WDR49: variants seen among roughly 807,000 people sequenced by gnomAD.
The protein encoded by WDR49 is cilia- and flagella-associated protein 337.
WDR49 carries 107 observed loss-of-function variants against 119.5 expected under a neutral mutation model. The observed-to-expected ratio is 0.90, with a 90% CI of 0.77 to 1.05. The LOEUF (loss-of-function observed/expected upper bound fraction) is 1.05, where lower values mean the gene tolerates loss of function less well. Ranked by LOEUF, WDR49 falls within the 50% of genes least tolerant of loss-of-function variation. The probability of loss-of-function intolerance (pLI) is 0.00; values close to 1 mark genes in which losing one functional copy is unlikely to be tolerated. For missense variants in WDR49, 1,240 were observed against 1,220.5 expected, an observed-to-expected ratio of 1.02 and a Z score of -0.24; for synonymous variants, 425 against 418.8, an observed-to-expected ratio of 1.01 and a Z score of -0.18.
intron 16 of WDR49, among the ~76,000 whole-genome samples, chr3:167,517,215 C>T (rs1366867152): frequency 6.6e-6 from 1 of 152,022 alleles, no homozygotes; most frequent in Non-Finnish European, 1.5e-5. Context: ...ATAGCCAAAA[C>T]AATGCTAACC....
chr3:167,506,267 G>A (rs1751764080), intron 16 of WDR49, among the ~76,000 whole-genome samples: 1 of 152,006 alleles, frequency 6.6e-6, no homozygotes, highest in African/African-American at 2.4e-5. Flanking sequence ...ACTCTGAGTT[G>A]TTTCCCATAC....
intron 7 of WDR49, among the ~76,000 whole-genome samples, chr3:167,585,716 TTAAA>T (rs951488546): frequency 3.9e-5 from 6 of 151,904 alleles, no homozygotes; most frequent in African/African-American, 1.2e-4. Context: ...TATAATAACA[TTAAA>T]TAAAGTTGTA....
intron 8 of WDR49, among the ~76,000 whole-genome samples, chr3:167,573,767 C>G (rs991754224): frequency 6.6e-6 from 1 of 152,188 alleles, no homozygotes; most frequent in African/African-American, 2.4e-5. Context: ...CAAGACCAGA[C>G]AGTGATACAT....
intron 3 of WDR49, among the ~76,000 whole-genome samples, chr3:167,624,345 T>TAA (rs200365249): frequency 0.26 from 37,786 of 143,302 alleles, 4,976 homozygotes; most frequent in African/African-American, 0.33. Flanking sequence ...TATGCCATGG[T>TAA]AAAAAAAAAA....
intron 15 of WDR49, 41 bp downstream of exon 15, chr3:167,527,779 G>A (rs1355668853): frequency 1.3e-6 from 2 of 1,569,238 alleles, no homozygotes; most frequent in African/African-American, 2.7e-5. Context: ...AATACTAAAT[G>A]TCAAGTAAAT....
chr3:167,530,947 C>T (rs1277842783), intron 13 of WDR49, among the ~76,000 whole-genome samples, 168 bp downstream of exon 13: 4 of 151,986 alleles, frequency 2.6e-5, no homozygotes, highest in African/African-American at 9.7e-5. Context: ...CTCTTGAATC[C>T]ATCCTCCTCA....
intron 2 of WDR49, chr3:167,633,278 A>T (rs1717456536): frequency 2.7e-6 from 1 of 364,446 alleles, no homozygotes; most frequent in African/African-American, 2.1e-5. Flanking sequence ...TTCTATGACT[A>T]TTACCATCAT....
At chr3:167,557,911 G>A (rs574931960) in intron 9 of WDR49, among the ~76,000 whole-genome samples, 1 of 152,204 alleles carries the variant, frequency 6.6e-6, no homozygotes, top group African/African-American at 2.4e-5. Context: ...CAATATCCAA[G>A]ACAGAAAAAT....
chr3:167,645,895 T>C (rs1718099821), intron 2 of WDR49, among the ~76,000 whole-genome samples: 1 of 152,246 alleles, frequency 6.6e-6, no homozygotes, highest in South Asian at 2.1e-4. Flanking sequence ...AAGGAACATA[T>C]AGGAAGCTAT....
chr3:167,595,030 C>A (rs1273885053), intron 7 of WDR49, among the ~76,000 whole-genome samples: 9 of 149,516 alleles, frequency 6.0e-5, no homozygotes, highest in South Asian at 2.2e-4. Context: ...TCTCAGGATA[C>A]AAAATCAATG....
intron 17 of WDR49, among the ~76,000 whole-genome samples, chr3:167,504,841 A>G (rs6785159): frequency 0.055 from 8,374 of 151,926 alleles, 813 homozygotes; most frequent in African/African-American, 0.19. Context: ...TGCTCTCCTC[A>G]TGGTAGCAAG....
intron 17 of WDR49, among the ~76,000 whole-genome samples, chr3:167,502,279 G>A (rs756846250): frequency 2.0e-5 from 3 of 152,170 alleles, no homozygotes; most frequent in Non-Finnish European, 4.4e-5. Context: ...CTGCAGAACC[G>A]TGATCCAATT....
In WDR49 at chr3:167,627,049, C is replaced by A; in HGVS notation, c.409G>T (p.Val137Leu). ...PQWKDLEFLPVKHKDTIQKVI... is the reference protein window; with the variant it reads ...PQWKDLEFLPLKHKDTIQKVI... ...TTTTGAATGGTGTCCTTGTGTTTTACTGGGAGGAATTCAAGGTCCTTCCAC... is the reference window on the plus strand; with the variant it reads ...TTTTGAATGGTGTCCTTGTGTTTTAATGGGAGGAATTCAAGGTCCTTCCAC... The change falls in exon 3 of 19, where the codon GTA becomes TTA. Residue 137 changes from valine (V) to leucine (L), a missense_variant. Val to Leu is a conservative substitution (Grantham distance 32, BLOSUM62 1). Coordinates refer to ENST00000682715, the MANE Select transcript of WDR49 (RefSeq NM_001366157.1). 7.6e-7 allele frequency: 1 copy of A among 1,314,966 alleles called. No individual in the cohort carries two copies. Among genetic ancestry groups the A allele is most frequent in the Non-Finnish European group, 9.7e-7 (1 of 1,033,036 alleles). 81.5% of individuals were successfully genotyped at this position (1,314,966 alleles called of 1,614,324 possible). A position where few individuals can be genotyped will look rare whatever the true frequency, so the allele number is the denominator to read the frequency against.
intron 8 of WDR49, among the ~76,000 whole-genome samples, chr3:167,575,501 T>C (rs1476023682): frequency 6.6e-6 from 1 of 152,226 alleles, no homozygotes; most frequent in African/African-American, 2.4e-5. Context: ...GTGTAAAATA[T>C]GCTGGCAAAA....
chr3:167,540,318 G>T (rs756941176), intron 10 of WDR49, among the ~76,000 whole-genome samples: 3 of 152,156 alleles, frequency 2.0e-5, no homozygotes, highest in Non-Finnish European at 2.9e-5. Context: ...CAGAGCAGGT[G>T]CTGGTACCTA....
intron 14 of WDR49, 64 bp from the exon 15 acceptor site, chr3:167,528,081 C>T: frequency 1.4e-6 from 2 of 1,418,282 alleles, no homozygotes; most frequent in Non-Finnish European, 1.9e-6. Context: ...AATGACATAA[C>T]ACTTTTAAAA....
chr3:167,494,799 G>A lies in WDR49; in HGVS notation c.3031+5354C>T, dbSNP rs73045882. 4.5e-3 allele frequency among the ~76,000 whole-genome samples: 680 copies of A among 152,282 alleles called. 2 individuals carry two copies. The highest frequency in any genetic ancestry group is 0.016 in the African/African-American group (651 of 41,558). ...CCATAGGACATTCTCTGAGCCCTGG[G>A]GTGGTGTGGGAGACTGTGGATTGGA... On this transcript the variant is annotated intron_variant, in intron 18 of 18. Transcript: ENST00000682715.
At chr3:167,533,687 G>A (rs140431958) in intron 11 of WDR49, among the ~76,000 whole-genome samples, 1 of 152,162 alleles carries the variant, frequency 6.6e-6, no homozygotes, top group East Asian at 1.9e-4. Context: ...ACAGAGAACA[G>A]AGAAAAGCCC....
rs1253357144 is a variant in WDR49 at position 167,505,360 on chromosome 3, C to T, written c.2831G>A (p.Cys944Tyr). 2.6e-6 allele frequency: 4 copies of T among 1,531,990 alleles called. No homozygotes were observed. The South Asian group carries it at 3.9e-5, about 15-fold the overall frequency. The allele number at this position is 1,531,990 out of a possible 1,614,324, so 94.9% of individuals were successfully genotyped here. ...ATAAGGTTTTTGTGTTTCTTTCATG[C>T]AGGTACTTCTTTCCTTATATTTTAT... ...LDIKYKERST[C>Y]MKETQKPYYG... is the part of the protein sequence containing the mutation. The change falls in exon 17 of 19, where the codon TGC becomes TAC. Residue 944 changes from cysteine (C) to tyrosine (Y), a missense_variant. Physicochemically the swap from Cys to Tyr is radical, Grantham distance 194. Coordinates refer to ENST00000682715, the MANE Select transcript of WDR49 (RefSeq NM_001366157.1).
Sources: allele counts gnomAD v4.1 joint callset (sites outside exome capture counted in the v4.1 genomes callset), GRCh38; gene constraint gnomAD v4.1.1; transcripts MANE v1.5; gene names NCBI Gene and HGNC (gene_info 2026-07-23, HGNC 2026-07-21).